Variants in RNF128 observed in about 807,000 individuals in gnomAD.
RNF128 encodes E3 ubiquitin-protein ligase RNF128.
RNF128 carries 13 observed loss-of-function variants against 26.2 expected under a neutral mutation model. The ratio of observed to expected loss-of-function variants is 0.50; its 90% CI spans 0.32 to 0.79. The LOEUF is 0.79. RNF128 is among the 30% of genes least tolerant of loss of function. The probability of loss-of-function intolerance (pLI) is 0.03; values close to 1 mark genes in which losing one functional copy is unlikely to be tolerated. For missense variants in RNF128, 315 were observed against 349.7 expected (o/e 0.90, Z 0.79); for synonymous variants, 149 against 142.5 (o/e 1.05, Z -0.32).
At chrX:106,790,495 TG>T (rs1241973827) in intron 5 of RNF128, among the ~76,000 whole-genome samples, 1 of 110,757 alleles carries the variant, frequency 9.0e-6, no homozygotes, top group African/African-American at 3.3e-5. Flanking sequence ...ACTCATTATT[TG>T]GTCAGAATTT....
chrX:106,696,796 C>A (rs192272831), intron 1 of RNF128, among the ~76,000 whole-genome samples: 1 of 111,474 alleles, frequency 9.0e-6, no homozygotes, highest in African/African-American at 3.3e-5. Flanking sequence ...AGCCAAAGAC[C>A]GCTAGCAACA....
At chrX:106,784,691 G>A (rs909536017) in intron 2 of RNF128, among the ~76,000 whole-genome samples, 14 of 111,255 alleles carry the variant, frequency 1.3e-4, no homozygotes, top group Non-Finnish European at 3.8e-5. Context: ...AACAAGACAC[G>A]ATTCAAAAAG....
chrX:106,778,125 A>T (rs993286396), intron 2 of RNF128, among the ~76,000 whole-genome samples: 7 of 111,398 alleles, frequency 6.3e-5, no homozygotes, highest in African/African-American at 2.3e-4. Context: ...TCAACAGTAG[A>T]CTATTAGTAG....
At chrX:106,778,446 C>T (rs1930508128) in intron 2 of RNF128, among the ~76,000 whole-genome samples, 1 of 112,015 alleles carries the variant, frequency 8.9e-6, no homozygotes, top group Non-Finnish European at 1.9e-5. Flanking sequence ...CCAAGGGAAC[C>T]ATGATTGGCC....
At chrX:106,741,857 CA>C (rs1444821496) in intron 1 of RNF128, among the ~76,000 whole-genome samples, 1 of 111,749 alleles carries the variant, frequency 8.9e-6, no homozygotes, top group Non-Finnish European at 1.9e-5. Flanking sequence ...TTATGAAGGA[CA>C]AATAAACCAG....
chrX:106,785,369 T>C (rs181628174), intron 3 of RNF128, among the ~76,000 whole-genome samples: 62 of 111,952 alleles, frequency 5.5e-4, no homozygotes, highest in East Asian at 1.4e-3. Flanking sequence ...TTTGCAGATA[T>C]GATTAAGTTA....
At position 106,727,018 on chromosome X, in the gene RNF128, T is replaced by A; in HGVS notation, c.105T>A (p.Gly35=). The A allele has an allele frequency of 8.3e-7, 1 of 1,206,103 alleles. No homozygotes were observed. The highest frequency in any genetic ancestry group is 1.1e-6 in the Non-Finnish European group (1 of 893,257). The stretch of plus-strand genomic sequence containing the variant: ...TGGCCCTGAGTCCGCAGGCACCCGG[T>A]TCCCGGGGGGCTGAAGCAGTGTGGA... ...FLLALSPQAP[G]SRGAEAVWTA... is the part of the protein sequence containing the mutation. The change falls in exon 1 of 7, where the codon GGT becomes GGA. Residue 35 remains glycine (G), a synonymous_variant. Transcript: ENST00000255499.
chrX:106,741,631 A>G (rs1420880227), intron 1 of RNF128, among the ~76,000 whole-genome samples: 1 of 112,255 alleles, frequency 8.9e-6, no homozygotes, highest in East Asian at 2.8e-4. Context: ...ATCTTTATAT[A>G]GAGAGAGGAC....
In RNF128 at chrX:106,773,024, A is replaced by G. The variant is rs768239174; in HGVS notation, c.596A>G (p.His199Arg). 5 of 1,211,439 alleles carry G rather than the reference A, an allele frequency of 4.1e-6. No individual in the cohort carries two copies. Among genetic ancestry groups the G allele is most frequent in the South Asian group, 1.8e-5 (1 of 56,962 alleles). Reference sequence around the variant, plus strand: ...ATGGTCATAGAAGTAGGGAAAAAACATGGCCCTTGGGTGAATCACTATTCA... The same window carrying G: ...ATGGTCATAGAAGTAGGGAAAAAACGTGGCCCTTGGGTGAATCACTATTCA... ...VTMVIEVGKK[H>R]GPWVNHYSIF... is the part of the protein sequence containing the mutation. The change falls in exon 2 of 7, where the codon CAT (histidine) becomes CGT (arginine). Residue 199 changes from histidine to arginine, a missense_variant. Physicochemically the swap from His to Arg is conservative, Grantham distance 29 (BLOSUM62 0). Transcript: ENST00000255499.
At chrX:106,751,563 A>G (rs945720710) in intron 1 of RNF128, among the ~76,000 whole-genome samples, 1 of 110,841 alleles carries the variant, frequency 9.0e-6, no homozygotes, top group Non-Finnish European at 1.9e-5. Flanking sequence ...CTTGCGGTGC[A>G]TATGGCCAAG....
intron 1 of RNF128, among the ~76,000 whole-genome samples, chrX:106,766,995 T>G (rs1193949727): frequency 1.1e-3 from 125 of 111,817 alleles, no homozygotes; most frequent in Non-Finnish European, 1.3e-3. Flanking sequence ...TTTCTTGTTT[T>G]TGTCAGGTTT....
chrX:106,788,868 T>C (rs1161352749), intron 4 of RNF128, among the ~76,000 whole-genome samples: 1 of 77,242 alleles, frequency 1.3e-5, no homozygotes, highest in African/African-American at 5.3e-5. Flanking sequence ...TTATATATTA[T>C]ATAATGTATA....
intron 1 of RNF128, among the ~76,000 whole-genome samples, chrX:106,764,834 T>C (rs192031270): frequency 3.6e-5 from 4 of 112,436 alleles, no homozygotes; most frequent in Admixed American, 2.8e-4. Flanking sequence ...CTACATTATA[T>C]AATTAATCAC....
chrX:106,756,646 C>T (rs1376510103), intron 1 of RNF128, among the ~76,000 whole-genome samples: 2 of 109,750 alleles, frequency 1.8e-5, no homozygotes, highest in East Asian at 5.7e-4. Context: ...AGAAGAAAAC[C>T]TAGGCATTAC....
Position 106,790,229 on chromosome X carries a change from C to A in RNF128, c.931C>A (p.His311Asn). Residue 311 changes from histidine to asparagine, a missense_variant, in exon 5 of 7, where the codon CAC becomes AAC. Physicochemically the swap from His to Asn is moderately conservative, Grantham distance 68 (BLOSUM62 1). Transcript: ENST00000255499. ...KTCVDPWLLE[H>N]RTCPMCKCDI... ...ATGTGTTGACCCATGGCTGTTAGAA[C>A]ACAGGACTTGCCCCATGTGCAAATG... 8.3e-7 allele frequency: 1 copy of A among 1,204,750 alleles called. No homozygotes were observed. Among genetic ancestry groups the A allele is most frequent in the Non-Finnish European group, 1.1e-6 (1 of 890,559 alleles).
At chrX:106,722,302 C>T (rs887118699), upstream of RNF128, among the ~76,000 whole-genome samples, 2 of 111,469 alleles carry the variant, frequency 1.8e-5, no homozygotes, top group Admixed American at 1.9e-4. Context: ...AGCTACCTGT[C>T]AGGAATACTC....
chrX:106,777,358 A>G (rs1429098808), intron 2 of RNF128, among the ~76,000 whole-genome samples: 2 of 112,186 alleles, frequency 1.8e-5, no homozygotes, highest in Non-Finnish European at 3.8e-5. Context: ...ATAATAATGT[A>G]AAGATGTTTG....
chrX:106,723,214 G>T (rs2147666289), upstream of RNF128, among the ~76,000 whole-genome samples: 1 of 112,318 alleles, frequency 8.9e-6, no homozygotes, highest in Non-Finnish European at 1.9e-5. Flanking sequence ...TTGTCATTTT[G>T]CCATATTTGC....
chrX:106,781,496 TAA>T (rs1305032318), intron 2 of RNF128, among the ~76,000 whole-genome samples: 7 of 111,219 alleles, frequency 6.3e-5, no homozygotes. Context: ...TCAGTTTTTT[TAA>T]GAGGGAGGCT....
Sources: gnomAD v4.1 joint callset for allele counts (sites outside exome capture counted in the v4.1 genomes callset) on GRCh38, gnomAD v4.1.1 for gene constraint, MANE v1.5 for transcripts, NCBI Gene and HGNC (gene_info 2026-07-23, HGNC 2026-07-21) for gene names.